Variants in SLC19A1 observed in about 807,000 individuals in gnomAD.
The protein encoded by SLC19A1 is solute carrier family 19 member 1.
A neutral mutation model predicts 35.3 loss-of-function variants in SLC19A1; 37 were observed. The ratio of observed to expected loss-of-function variants is 1.05; its 90% CI spans 0.81 to 1.38. The LOEUF (loss-of-function observed/expected upper bound fraction) is 1.38. SLC19A1 is among the 40% of genes most tolerant of loss of function. SLC19A1 has a pLI of 0.00. For missense variants in SLC19A1, 831 were observed against 826.9 expected (o/e 1.00, Z -0.06); for synonymous variants, 460 against 398.5 (o/e 1.15, Z -1.84).
chr21:45,522,446 GGAAA>G (rs1336615979), intron 5 of SLC19A1, among the ~76,000 whole-genome samples: 2 of 152,166 alleles, frequency 1.3e-5, no homozygotes, highest in Non-Finnish European at 2.9e-5. Flanking sequence ...CTTCTTTCCT[GGAAA>G]GAAACAAGCA....
upstream of SLC19A1, among the ~76,000 whole-genome samples, chr21:45,548,659 G>A (rs2078436477): frequency 2.6e-5 from 4 of 152,116 alleles, no homozygotes; most frequent in African/African-American, 4.8e-5. Context: ...CAGGAGAATT[G>A]CTTGAATCTG....
upstream of SLC19A1, chr21:45,542,551 T>A (rs1162436506): frequency 6.7e-6 from 1 of 150,086 alleles, no homozygotes; most frequent in Non-Finnish European, 1.5e-5. Context: ...GGCAGGAGCG[T>A]CCCCACGGGG....
intron 1 of SLC19A1, among the ~76,000 whole-genome samples, chr21:45,556,963 A>G (rs1040509876): frequency 1.3e-5 from 2 of 151,860 alleles, no homozygotes; most frequent in Non-Finnish European, 2.9e-5. Context: ...GGCGACTCAG[A>G]TGCATGTGTC....
chr21:45,512,574 T>G lies in SLC19A1; in HGVS notation c.*3084A>C. ...AAAGGAAGCCAAAGAGTGTATTTTTTTAAAAGTTTAAAACAGAAGCCTGAT... is the reference window on the plus strand; with the variant it reads ...AAAGGAAGCCAAAGAGTGTATTTTTGTAAAAGTTTAAAACAGAAGCCTGAT... On this transcript the variant is annotated 3_prime_UTR_variant, in exon 6 of 6. Coordinates refer to ENST00000311124, the MANE Select transcript of SLC19A1 (RefSeq NM_194255.4). The G allele has an allele frequency of 4.5e-6, 3 of 659,376 alleles. No homozygotes were observed. Among genetic ancestry groups the G allele is most frequent in the South Asian group, 3.8e-5 (2 of 52,462 alleles). The allele number at this position is 659,376 out of a possible 1,614,324, so 40.8% of individuals were successfully genotyped here. A position where few individuals can be genotyped will look rare whatever the true frequency, so the allele number is the denominator to read the frequency against.
intron 3 of SLC19A1, chr21:45,505,919 CAGG>C: frequency 1.2e-6 from 2 of 1,613,136 alleles, no homozygotes; most frequent in Non-Finnish European, 8.5e-7. Context: ...CGTGGCCGAG[CAGG>C]AGGAGCTCTA....
At chr21:45,523,686 C>T (rs571963719) in intron 5 of SLC19A1, among the ~76,000 whole-genome samples, 79 of 152,282 alleles carry the variant, frequency 5.2e-4, no homozygotes, top group South Asian at 2.9e-3. Context: ...GGAGGTGGGG[C>T]GGCAACGGTA....
At chr21:45,505,404 C>T in intron 3 of SLC19A1, 2 of 1,584,134 alleles carry the variant, frequency 1.3e-6, no homozygotes, top group South Asian at 2.2e-5. Flanking sequence ...CCCCTGGGCC[C>T]CCTGGAACCA....
chr21:45,509,435 AC>A, downstream of SLC19A1: 1 of 1,528,412 alleles, frequency 6.5e-7, no homozygotes, highest in Non-Finnish European at 8.8e-7. Context: ...GAGCACCCCC[AC>A]CCCACCGCGC....
At chr21:45,528,584 G>A (rs1255060874) in intron 4 of SLC19A1, among the ~76,000 whole-genome samples, 2 of 152,160 alleles carry the variant, frequency 1.3e-5, no homozygotes, top group African/African-American at 4.8e-5. Context: ...CTGCAATATT[G>A]ACAGAAACCT....
rs752889476 is a variant in SLC19A1 at position 45,530,731 on chromosome 21, G to A, written c.1151+39C>T. 7.3e-5 allele frequency: 113 copies of A among 1,537,968 alleles called. No individual in the cohort carries two copies. The highest frequency in any genetic ancestry group is 9.2e-5 in the Non-Finnish European group (105 of 1,138,402). ...GCGAAGCGCGGGGCTTGATCCTGGC[G>A]CCTGCCCGCCCCCGGCTTCCCACCC... On this transcript the variant is annotated intron_variant, in intron 4 of 5. Transcript: ENST00000311124. This position sits in a 1 kb window ranked among gnomAD's most constrained non-coding sequence, Gnocchi z 5.3.
downstream of SLC19A1, among the ~76,000 whole-genome samples, chr21:45,508,957 GA>G (rs1268723122): frequency 6.6e-6 from 1 of 152,148 alleles, no homozygotes; most frequent in Non-Finnish European, 1.5e-5. Flanking sequence ...TGGGGGCTGG[GA>G]TTTCTAGGGT....
At chr21:45,561,100 C>T (rs957547031) in intron 1 of SLC19A1, among the ~76,000 whole-genome samples, 1 of 152,154 alleles carries the variant, frequency 6.6e-6, no homozygotes, top group African/African-American at 2.4e-5. Flanking sequence ...TTTCTGCTGC[C>T]GTGCACTTGG....
chr21:45,514,622 G>C lies in SLC19A1; in HGVS notation c.*1036C>G, dbSNP rs564547850. On this transcript the variant is annotated 3_prime_UTR_variant, in exon 6 of 6. Transcript: ENST00000311124. ...AAGGCCCTGCGTGGGCTGGAGGCGG[G>C]AGAAGGCTGGGACGCCTCTCCTGGC... The C allele has an allele frequency of 4.9e-6, 1 of 204,306 alleles. No homozygotes were observed. The highest frequency in any genetic ancestry group is 9.8e-6 in the Non-Finnish European group (1 of 102,546). 12.7% of individuals were successfully genotyped at this position (204,306 alleles called of 1,614,324 possible).
downstream of SLC19A1, chr21:45,509,505 C>G (rs1183161569): frequency 6.5e-7 from 1 of 1,533,326 alleles, no homozygotes; most frequent in South Asian, 1.2e-5. Flanking sequence ...AGCCCCAGCC[C>G]TACCCCGGAG....
intron 1 of SLC19A1, among the ~76,000 whole-genome samples, chr21:45,553,603 C>T (rs1174603902): frequency 6.7e-6 from 1 of 148,384 alleles, no homozygotes; most frequent in Non-Finnish European, 1.5e-5. Context: ...AGCTCTGCAC[C>T]CAAGACACAC....
chr21:45,504,416 G>C lies in SLC19A1; in HGVS notation c.498-5804C>G, dbSNP rs767090801. On this transcript the variant is annotated intron_variant, in intron 3 of 4. Coordinates refer to the SLC19A1 transcript ENST00000417954. ...GTGTAACAAGTGTTTCCGTCCACAG[G>C]GGGAGAAGGGAGACCGAGGTGATGC... 9.3e-6 allele frequency: 15 copies of C among 1,611,328 alleles called. No homozygotes were observed. The highest frequency in any genetic ancestry group is 2.2e-5 in the East Asian group (1 of 44,864).
In SLC19A1 at chr21:45,537,791, T is replaced by A. The variant is rs776065997; in HGVS notation, c.169A>T (p.Lys57Ter). ...FITPYLLGPDKNFTREQVTNE... is the reference protein window; with the variant it reads ...FITPYLLGPD ...CATGCCTGCTCCCGCGTGAAGTTCT[T>A]GTCGGGCCCCAGGAGGTAGGGGGTG... The change falls in exon 2 of 6, where the codon AAG becomes TAG. Residue 57 changes from lysine to a stop codon, truncating the protein, a stop_gained. Transcript: ENST00000311124. LOFTEE classifies it high-confidence loss of function. The A allele has an allele frequency of 1.0e-5, 14 of 1,396,884 alleles. No homozygotes were observed. Among genetic ancestry groups the A allele is most frequent in the Non-Finnish European group, 1.3e-5 (14 of 1,048,710 alleles). The allele number at this position is 1,396,884 out of a possible 1,614,324, so 86.5% of individuals were successfully genotyped here. A position where few individuals can be genotyped will look rare whatever the true frequency, so the allele number is the denominator to read the frequency against.
intron 1 of SLC19A1, among the ~76,000 whole-genome samples, chr21:45,552,534 C>T (rs1273254396): frequency 1.3e-5 from 2 of 152,178 alleles, no homozygotes; most frequent in Non-Finnish European, 2.9e-5. Context: ...CGGGTCCTAC[C>T]CAGGCCCGGG....
chr21:45,527,103 CCA>C (rs945625292), intron 4 of SLC19A1, among the ~76,000 whole-genome samples: 2 of 152,278 alleles, frequency 1.3e-5, no homozygotes, highest in African/African-American at 2.4e-5. Flanking sequence ...AGCAGTGAAA[CCA>C]CAGAGTCGGT....
Sources: gnomAD v4.1 joint callset for allele counts (sites outside exome capture counted in the v4.1 genomes callset) on GRCh38, gnomAD v4.1.1 for gene constraint, Gnocchi (gnomAD v3.1) non-coding constraint, MANE v1.5 for transcripts, NCBI Gene and HGNC (gene_info 2026-07-23, HGNC 2026-07-21) for gene names.